The following GRIN3B variants were observed in gnomAD, a reference collection of about 807,000 sequenced individuals.
The protein encoded by GRIN3B is glutamate receptor ionotropic, NMDA 3B.
Under a neutral mutation model 66.0 loss-of-function variants are expected in GRIN3B, and 77 were observed. The ratio of observed to expected loss-of-function variants is 1.17; its 90% CI spans 0.97 to 1.41. The LOEUF (loss-of-function observed/expected upper bound fraction) is 1.41. Ranked by LOEUF, GRIN3B falls within the 40% of genes most tolerant of loss-of-function variation. GRIN3B has a pLI of 0.00. For synonymous variants in GRIN3B, 823 were observed against 749.7 expected (o/e 1.10, Z -1.60); for missense variants, 1,787 against 1,564.5 (o/e 1.14, Z -2.40).
intron 1 of GRIN3B, among the ~76,000 whole-genome samples, chr19:1,001,354 C>A: frequency 6.7e-6 from 1 of 149,868 alleles, no homozygotes; most frequent in East Asian, 1.9e-4. Flanking sequence ...CTCCTTCCAG[C>A]ATTCTCCCCG....
rs767400470 is a variant in GRIN3B, at chr19:1,007,785, CGCGGGGTGAGGCGGGG to C, written c.2198+19_2198+34del. ...GTCGCCATGCTCACGTGAGCCCGGG[CGCGGGGTGAGGCGGGG>C]GCGGGGCGTGGGGTGGGCGGGGCGA... On this transcript the variant is annotated intron_variant, in intron 4 of 8. Transcript: ENST00000234389. The surrounding 1 kb of genome is among the most constrained non-coding windows in gnomAD (Gnocchi z 4.4). 7 of 1,512,376 alleles carry C rather than the reference CGCGGGGTGAGGCGGGG, an allele frequency of 4.6e-6. No individual in the cohort carries two copies. The South Asian group carries it at 6.3e-5, about 14-fold the overall frequency. The allele number at this position is 1,512,376 out of a possible 1,614,324, so 93.7% of individuals were successfully genotyped here.
Position 1,007,641 on chromosome 19 carries a change from C to T in GRIN3B, c.2066C>T (p.Ala689Val). 6.6e-7 allele frequency: 1 copy of T among 1,519,576 alleles called. No homozygotes were observed. The highest frequency in any genetic ancestry group is 2.6e-5 in the East Asian group (1 of 38,560). 94.1% of individuals were successfully genotyped at this position (1,519,576 alleles called of 1,614,324 possible). A position where few individuals can be genotyped will look rare whatever the true frequency, so the allele number is the denominator to read the frequency against. The stretch of plus-strand genomic sequence containing the variant: ...TCCCCCGCGCAGCTGCACCACCCGG[C>T]GCAGGGCTTCCGCTTCGGCACCGTG... Reference protein sequence around the residue: ...GIHDPKLHHPAQGFRFGTVWE... With the variant: ...GIHDPKLHHPVQGFRFGTVWE... The change falls in exon 4 of 9, where the codon GCG becomes GTG. Residue 689 changes from alanine (A) to valine (V), a missense_variant. By Grantham distance (64) the Ala-to-Val change is moderately conservative. Coordinates refer to ENST00000234389, the MANE Select transcript of GRIN3B (RefSeq NM_138690.3). The surrounding 1 kb of genome is among the most constrained non-coding windows in gnomAD (Gnocchi z 4.4).
intron 2 of GRIN3B, 84 bp downstream of exon 2, chr19:1,003,806 G>A: frequency 1.8e-6 from 2 of 1,100,506 alleles, no homozygotes; most frequent in East Asian, 3.2e-5. Context: ...GCAACGTGAG[G>A]CCAGACGCGG....
rs770764248 is a variant in GRIN3B at position 1,005,286 on chromosome 19, C to T, written c.1785C>T (p.Tyr595=). Residue 595 remains tyrosine, a synonymous_variant, in exon 3 of 9, where the codon TAC becomes TAT. Coordinates refer to ENST00000234389, the MANE Select transcript of GRIN3B (RefSeq NM_138690.3). The surrounding 1 kb of genome is among the most constrained non-coding windows in gnomAD (Gnocchi z 5.2). ...LHLTALFLTV[Y]EWRSPYGLTP... is the part of the protein sequence containing the mutation. ...TCACCGCGCTCTTCCTCACCGTGTA[C>T]GAGTGGCGTAGCCCCTACGGCCTCA... The T allele has an allele frequency of 1.9e-5, 30 of 1,613,604 alleles. No homozygotes were observed. The highest frequency in any genetic ancestry group is 2.7e-5 in the African/African-American group (2 of 75,066).
chr19:1,004,389 C>G, intron 2 of GRIN3B, 132 bp from the exon 3 acceptor site: 1 of 774,752 alleles, frequency 1.3e-6, no homozygotes, highest in Non-Finnish European at 2.1e-6. Flanking sequence ...TTGGGGACAC[C>G]AGGAGCGTCC....
At position 1,008,813 on chromosome 19, in the gene GRIN3B, A is replaced by AC. The variant is rs373093602; in HGVS notation, c.2632-36dup. On this transcript the variant is annotated intron_variant, in intron 7 of 8. Coordinates refer to ENST00000234389, the MANE Select transcript of GRIN3B (RefSeq NM_138690.3). ...GAGCGGGTGGGCGGCGGGCGGCCCCACCCCCCCCGCCTCCTCGCCAACCGG... is the reference window on the plus strand; with the variant it reads ...GAGCGGGTGGGCGGCGGGCGGCCCCACCCCCCCCCGCCTCCTCGCCAACCGG... The AC allele has an allele frequency of 4.4e-3, 6,471 of 1,475,454 alleles. 19 individuals are homozygous for AC. Among genetic ancestry groups the AC allele is most frequent in the East Asian group, 0.021 (825 of 38,690 alleles). The allele number at this position is 1,475,454 out of a possible 1,614,324, so 91.4% of individuals were successfully genotyped here.
At position 1,004,642 on chromosome 19, in the gene GRIN3B, C is replaced by T. The variant is rs746291615; in HGVS notation, c.1141C>T (p.Pro381Ser). The T allele has an allele frequency of 1.2e-6, 2 of 1,601,118 alleles. No homozygotes were observed. Among genetic ancestry groups the T allele is most frequent in the East Asian group, 2.3e-5 (1 of 44,124 alleles). ...WSLRRDPRGA[P>S]AWATVGSWRD... The stretch of plus-strand genomic sequence containing the variant: ...CCTTCGCCGGGACCCACGGGGCGCC[C>T]CGGCCTGGGCCACGGTGGGCAGCTG... Residue 381 changes from proline (P) to serine (S), a missense_variant, in exon 3 of 9, where the codon CCG (proline) becomes TCG (serine). By Grantham distance (74) the Pro-to-Ser change is moderately conservative. Transcript: ENST00000234389.
At chr19:1,003,004 G>A in intron 1 of GRIN3B, 126 bp from the exon 2 acceptor site, 1 of 600,952 alleles carries the variant, frequency 1.7e-6, no homozygotes. Context: ...GCTGGGGCTG[G>A]GGGGAGGTGG....
rs1378224858 is a variant in GRIN3B, at chr19:1,007,787, CGGGGTGAGGCGGGGGCGGGGCGT to C, written c.2198+21_2199-40del. On this transcript the variant is annotated intron_variant, in intron 4 of 8. Coordinates refer to ENST00000234389, the MANE Select transcript of GRIN3B (RefSeq NM_138690.3). The surrounding 1 kb of genome is among the most constrained non-coding windows in gnomAD (Gnocchi z 4.4). ...CGCCATGCTCACGTGAGCCCGGGCG[CGGGGTGAGGCGGGGGCGGGGCGT>C]GGGGTGGGCGGGGCGATGGCTGACC... 13 of 1,506,386 alleles carry C rather than the reference CGGGGTGAGGCGGGGGCGGGGCGT, an allele frequency of 8.6e-6. 1 individual carries two copies. Among genetic ancestry groups the C allele is most frequent in the African/African-American group, 7.2e-5 (5 of 69,766 alleles). The allele number at this position is 1,506,386 out of a possible 1,614,324, so 93.3% of individuals were successfully genotyped here.
chr19:1,000,932 C>T, intron 1 of GRIN3B, 69 bp downstream of exon 1: 9 of 1,314,930 alleles, frequency 6.8e-6, no homozygotes, highest in Non-Finnish European at 7.8e-6. Context: ...GCCCTGGGGA[C>T]GTCCGGAGTC....
In GRIN3B at chr19:1,000,661, T is replaced by C. The variant is rs989071947; in HGVS notation, c.224T>C (p.Val75Ala). 7 of 1,319,448 alleles carry C rather than the reference T, an allele frequency of 5.3e-6. No homozygotes were observed. The highest frequency in any genetic ancestry group is 6.8e-6 in the Non-Finnish European group (7 of 1,031,962). 81.7% of individuals were successfully genotyped at this position (1,319,448 alleles called of 1,614,324 possible). ...RLPHNLSLELVVAAPPARDPA... is the reference protein window; with the variant it reads ...RLPHNLSLELAVAAPPARDPA... The stretch of plus-strand genomic sequence containing the variant: ...CCGCACAACCTGAGCTTGGAGCTGG[T>C]GGTCGCCGCGCCCCCCGCCCGCGAC... Residue 75 changes from valine (V) to alanine (A), a missense_variant, in exon 1 of 9, where the codon GTG (valine) becomes GCG (alanine). Physicochemically the swap from Val to Ala is moderately conservative, Grantham distance 64. Transcript: ENST00000234389.
At position 1,000,649 on chromosome 19, in the gene GRIN3B, G is replaced by T. The variant is rs1481655327; in HGVS notation, c.212G>T (p.Ser71Ile). Reference protein sequence around the residue: ...ALAPRLPHNLSLELVVAAPPA... With the variant: ...ALAPRLPHNLILELVVAAPPA... The stretch of plus-strand genomic sequence containing the variant: ...GCGCCGCGGCTGCCGCACAACCTGA[G>T]CTTGGAGCTGGTGGTCGCCGCGCCC... Residue 71 changes from serine (S) to isoleucine (I), a missense_variant, in exon 1 of 9, where the codon AGC (serine) becomes ATC (isoleucine). By Grantham distance (142) the Ser-to-Ile change is moderately radical. Transcript: ENST00000234389. The T allele has an allele frequency of 2.3e-6, 3 of 1,301,342 alleles. No homozygotes were observed. The Admixed American group carries it at 1.0e-4, about 45-fold the overall frequency. 80.6% of individuals were successfully genotyped at this position (1,301,342 alleles called of 1,614,324 possible). A position where few individuals can be genotyped will look rare whatever the true frequency, so the allele number is the denominator to read the frequency against.
Position 1,003,649 on chromosome 19 carries a change from C to A in GRIN3B, c.946C>A (p.Leu316Ile), listed in dbSNP as rs1366375915. The change falls in exon 2 of 9, where the codon CTC becomes ATC. Residue 316 changes from leucine to isoleucine, a missense_variant. Physicochemically the swap from Leu to Ile is conservative, Grantham distance 5. Transcript: ENST00000234389. The part of the protein sequence containing the change: ...SAAQVQPKRA[L>I]LPAPVNCGDL... ...GGCCCAGGTGCAGCCGAAGCGAGCCCTCCTCCCCGCCCCGGTCAACTGCGG... is the reference window on the plus strand; with the variant it reads ...GGCCCAGGTGCAGCCGAAGCGAGCCATCCTCCCCGCCCCGGTCAACTGCGG... 2 of 1,417,796 alleles carry A rather than the reference C, an allele frequency of 1.4e-6. No homozygotes were observed. Among genetic ancestry groups the A allele is most frequent in the Non-Finnish European group, 1.8e-6 (2 of 1,091,310 alleles). The allele number at this position is 1,417,796 out of a possible 1,614,324, so 87.8% of individuals were successfully genotyped here.
At position 1,005,428 on chromosome 19, in the gene GRIN3B, C is replaced by CAT; in HGVS notation, c.1927_1928insAT (p.Arg643HisfsTer5). On this transcript the variant is annotated frameshift_variant, in exon 3 of 9. Coordinates refer to ENST00000234389, the MANE Select transcript of GRIN3B (RefSeq NM_138690.3). LOFTEE classifies it high-confidence loss of function. This position sits in a 1 kb window ranked among gnomAD's most constrained non-coding sequence, Gnocchi z 5.2. ...CAAGACGCCCAAGTGCCCCACGGGCCGCCTGCTCATGAACCTCTGGGCCAT... is the reference window on the plus strand; with the variant it reads ...CAAGACGCCCAAGTGCCCCACGGGCCATGCCTGCTCATGAACCTCTGGGCCAT... The CAT allele has an allele frequency of 1.2e-6, 2 of 1,613,606 alleles. No individual in the cohort carries two copies. The highest frequency in any genetic ancestry group is 1.7e-6 in the Non-Finnish European group (2 of 1,180,002).
At position 1,000,854 on chromosome 19, in the gene GRIN3B, C is replaced by T. The variant is rs566592705; in HGVS notation, c.417C>T (p.Leu139=). 10 of 1,416,614 alleles carry T rather than the reference C, an allele frequency of 7.1e-6. No homozygotes were observed. In the African/African-American group the frequency reaches 1.4e-4, roughly 19 times the overall value. The allele number at this position is 1,416,614 out of a possible 1,614,324, so 87.8% of individuals were successfully genotyped here. A position where few individuals can be genotyped will look rare whatever the true frequency, so the allele number is the denominator to read the frequency against. Residue 139 remains leucine (L), a synonymous_variant, in exon 1 of 9, where the codon CTC becomes CTT. Coordinates refer to ENST00000234389, the MANE Select transcript of GRIN3B (RefSeq NM_138690.3). ...TGCGGCGGGAGGCGCGCGCGCCCCT[C>T]GGAGCCCCGGTACGCGGGACGCCCG... ...SLLRREARAP[L]GAPNPFHLQL...
Position 1,009,273 on chromosome 19 carries a change from C to A in GRIN3B, c.2803C>A (p.Arg935Ser). 4 of 1,417,882 alleles carry A rather than the reference C, an allele frequency of 2.8e-6. No homozygotes were observed. Among genetic ancestry groups the A allele is most frequent in the Non-Finnish European group, 3.6e-6 (4 of 1,097,082 alleles). 87.8% of individuals were successfully genotyped at this position (1,417,882 alleles called of 1,614,324 possible). Residue 935 changes from arginine to serine, a missense_variant, in exon 9 of 9, where the codon CGC becomes AGC. Coordinates refer to ENST00000234389, the MANE Select transcript of GRIN3B (RefSeq NM_138690.3). ...GGCCGTGGACAAGGAGCGCCGCGTG[C>A]GCTTCCTGCTGGAGCCCGCCGTGGT... ...RRAVDKERRV[R>S]FLLEPAVVVA...
At chr19:1,003,091 G>A (rs2038699473) in intron 1 of GRIN3B, 39 bp from the exon 2 acceptor site, 1 of 1,344,310 alleles carries the variant, frequency 7.4e-7, no homozygotes, top group East Asian at 3.0e-5. Context: ...TTGTGGGGGT[G>A]GAGGTCGTCA....
Position 1,009,559 on chromosome 19 carries a change from C to A in GRIN3B, c.3089C>A (p.Ala1030Glu). ...TTGCTTCAGGCCAGAGCGGCCCCCG[C>A]GGAGGCCCCACCACACTCTGGCCGA... ...RRLLQARAAP[A>E]EAPPHSGRPG... is the part of the protein sequence containing the mutation. Residue 1030 changes from alanine (A) to glutamate (E), a missense_variant, in exon 9 of 9, where the codon GCG becomes GAG. Physicochemically the swap from Ala to Glu is moderately radical, Grantham distance 107 (BLOSUM62 -1). Coordinates refer to ENST00000234389, the MANE Select transcript of GRIN3B (RefSeq NM_138690.3). The A allele has an allele frequency of 1.1e-6, 1 of 896,394 alleles. No individual in the cohort carries two copies. Among genetic ancestry groups the A allele is most frequent in the Non-Finnish European group, 1.5e-6 (1 of 662,542 alleles). The allele number at this position is 896,394 out of a possible 1,614,324, so 55.5% of individuals were successfully genotyped here. A position where few individuals can be genotyped will look rare whatever the true frequency, so the allele number is the denominator to read the frequency against.
In GRIN3B at chr19:1,007,877, C is replaced by G. The variant is rs1457075815; in HGVS notation, c.2220C>G (p.Asn740Lys). ...GCAGGAGCGACCCCCCCAAGCTCAA[C>G]GCCTTCATCATGGACAAGTCGCTCC... ...AMLTSDPPKLNAFIMDKSLLD... is the reference protein window; with the variant it reads ...AMLTSDPPKLKAFIMDKSLLD... The change falls in exon 5 of 9, where the codon AAC becomes AAG. Residue 740 changes from asparagine (N) to lysine (K), a missense_variant. By Grantham distance (94) the Asn-to-Lys change is moderately conservative (BLOSUM62 0). Transcript: ENST00000234389. This position sits in a 1 kb window ranked among gnomAD's most constrained non-coding sequence, Gnocchi z 4.4. The G allele has an allele frequency of 1.9e-6, 3 of 1,611,144 alleles. No individual in the cohort carries two copies. Among genetic ancestry groups the G allele is most frequent in the Non-Finnish European group, 2.5e-6 (3 of 1,179,046 alleles).
Sources: gnomAD v4.1 joint callset for allele counts (sites outside exome capture counted in the v4.1 genomes callset) on GRCh38, gnomAD v4.1.1 for gene constraint, Gnocchi (gnomAD v3.1) non-coding constraint, MANE v1.5 for transcripts, NCBI Gene and HGNC (gene_info 2026-07-23, HGNC 2026-07-21) for gene names.